The following MDGA2 variants were observed in gnomAD, a reference collection of about 807,000 sequenced individuals.
MDGA2 encodes MAM domain containing glycosylphosphatidylinositol anchor 2, also known as MAM domain-containing glycosylphosphatidylinositol anchor protein 2.
In MDGA2, 40 loss-of-function variants were observed where a neutral mutation model predicts 117.8. That is an observed-to-expected ratio of 0.34 (90% confidence interval 0.26 to 0.44). The LOEUF (loss-of-function observed/expected upper bound fraction) is 0.44. Among genes scored for constraint, MDGA2 ranks in the 20% least tolerant of loss-of-function variants. The probability of loss-of-function intolerance (pLI) is 1.00; values close to 1 mark genes in which losing one functional copy is unlikely to be tolerated. For missense variants in MDGA2, 1,123 were observed against 1,250.6 expected, an observed-to-expected ratio of 0.90 and a Z score of 1.54; for synonymous variants, 452 against 439.0, an observed-to-expected ratio of 1.03 and a Z score of -0.37.
At chr14:47,652,382 G>A (rs144488552) in intron 1 of MDGA2, among the ~76,000 whole-genome samples, 210 of 152,004 alleles carry the variant, frequency 1.4e-3, no homozygotes, top group Non-Finnish European at 2.4e-3. Flanking sequence ...CAGAGAAATC[G>A]GAACTTTTAC....
At chr14:47,296,103 A>G (rs1448368952) in intron 2 of MDGA2, among the ~76,000 whole-genome samples, 1 of 152,158 alleles carries the variant, frequency 6.6e-6, no homozygotes, top group Non-Finnish European at 1.5e-5. Context: ...AATATTGACC[A>G]TCTTGTTTGT....
chr14:47,301,724 C>T (rs1015832075), intron 1 of MDGA2, among the ~76,000 whole-genome samples, 174 bp from the exon 2 acceptor site: 4 of 152,186 alleles, frequency 2.6e-5, no homozygotes, highest in Non-Finnish European at 5.9e-5. Context: ...TGGAAGAAAT[C>T]TTCAAATTTA....
chr14:47,381,322 A>G (rs1472552491), intron 1 of MDGA2, among the ~76,000 whole-genome samples: 2 of 152,088 alleles, frequency 1.3e-5, no homozygotes, highest in Non-Finnish European at 1.5e-5. Context: ...GCCCTCTCTC[A>G]CCACTCCTAT....
chr14:47,077,774 A>G (rs1890549633), intron 6 of MDGA2, among the ~76,000 whole-genome samples: 1 of 152,094 alleles, frequency 6.6e-6, no homozygotes, highest in Admixed American at 6.5e-5. Context: ...CACAGTAAAC[A>G]TTACGGCAAC....
At chr14:47,449,908 C>A (rs574590090) in intron 1 of MDGA2, among the ~76,000 whole-genome samples, 2 of 152,160 alleles carry the variant, frequency 1.3e-5, no homozygotes, top group Admixed American at 6.5e-5. Flanking sequence ...TAAACAGACT[C>A]CATAAATTCA....
At chr14:47,439,144 G>A (rs1309845251) in intron 1 of MDGA2, among the ~76,000 whole-genome samples, 1 of 152,092 alleles carries the variant, frequency 6.6e-6, no homozygotes, top group Non-Finnish European at 1.5e-5. Context: ...AGGCAAGGAA[G>A]AGAAGTTATT....
intron 1 of MDGA2, among the ~76,000 whole-genome samples, chr14:47,613,880 T>C (rs1318494074): frequency 6.6e-6 from 1 of 152,130 alleles, no homozygotes; most frequent in Non-Finnish European, 1.5e-5. Context: ...TATGAACACA[T>C]TTAAAACATC....
At chr14:47,377,574 A>C (rs535924204) in intron 1 of MDGA2, among the ~76,000 whole-genome samples, 1 of 152,140 alleles carries the variant, frequency 6.6e-6, no homozygotes, top group Admixed American at 6.5e-5. Flanking sequence ...TATCCCATGC[A>C]TGGCTTTGAG....
chr14:47,438,251 C>T (rs1034491329), intron 1 of MDGA2, among the ~76,000 whole-genome samples: 1 of 152,130 alleles, frequency 6.6e-6, no homozygotes, highest in Admixed American at 6.6e-5. Flanking sequence ...AAGATTTTAG[C>T]TCATCTTCAA....
chr14:47,557,385 T>G (rs1331004578), intron 1 of MDGA2, among the ~76,000 whole-genome samples: 1 of 152,080 alleles, frequency 6.6e-6, no homozygotes, highest in Non-Finnish European at 1.5e-5. Flanking sequence ...CTGGGAAAAT[T>G]TAAGGGTGTA....
At chr14:47,419,148 C>A (rs1322380433) in intron 1 of MDGA2, among the ~76,000 whole-genome samples, 1 of 152,006 alleles carries the variant, frequency 6.6e-6, no homozygotes, top group Non-Finnish European at 1.5e-5. Context: ...GTTGATACTT[C>A]CATGGTATAA....
chr14:47,245,598 A>G (rs1370004539), intron 2 of MDGA2, among the ~76,000 whole-genome samples: 3 of 151,776 alleles, frequency 2.0e-5, no homozygotes, highest in Non-Finnish European at 4.4e-5. Context: ...GAAATAAGAG[A>G]AAAATTTTTC....
chr14:47,505,938 T>C (rs1331792524), intron 1 of MDGA2, among the ~76,000 whole-genome samples: 2 of 152,152 alleles, frequency 1.3e-5, no homozygotes. Context: ...CAAAGCACAT[T>C]CTTCACAGTG....
rs370864930 is a variant in MDGA2, at chr14:47,653,569, C to T, written c.280+20948G>A. Among the ~76,000 whole-genome samples, 4 of 152,076 alleles carry T rather than the reference C, an allele frequency of 2.6e-5. No individual in the cohort carries two copies. The South Asian group carries it at 6.2e-4, about 24-fold the overall frequency. ...AATAAACCAGTAACAAACCAAACCT[C>T]GCCAAAAGAAGTTCACATCCTAATT... is the stretch of plus-strand genomic sequence containing the variant. On this transcript the variant is annotated intron_variant, in intron 1 of 16. Transcript: ENST00000399232.
chr14:47,298,606 C>T (rs1192545388), intron 2 of MDGA2, among the ~76,000 whole-genome samples: 1 of 151,778 alleles, frequency 6.6e-6, no homozygotes, highest in Non-Finnish European at 1.5e-5. Context: ...AGACTTTGGC[C>T]GGGATGCCAG....
intron 9 of MDGA2, among the ~76,000 whole-genome samples, chr14:46,941,841 T>C (rs970572951): frequency 1.5e-4 from 23 of 152,186 alleles, no homozygotes; most frequent in African/African-American, 5.5e-4. Flanking sequence ...TTTCTTATTA[T>C]TTACAAATTA....
At chr14:47,464,614 C>T (rs1364811141) in intron 1 of MDGA2, among the ~76,000 whole-genome samples, 1 of 151,996 alleles carries the variant, frequency 6.6e-6, no homozygotes, top group Non-Finnish European at 1.5e-5. Flanking sequence ...CTCAAGAACA[C>T]AGCTAACCAG....
intron 6 of MDGA2, among the ~76,000 whole-genome samples, chr14:47,082,779 CA>C (rs1339633474): frequency 6.6e-6 from 1 of 151,636 alleles, no homozygotes; most frequent in African/African-American, 2.4e-5. Context: ...CAGATAAAAA[CA>C]GTAAAATAGC....
intron 2 of MDGA2, among the ~76,000 whole-genome samples, chr14:47,268,973 G>A (rs1041522063): frequency 1.4e-4 from 22 of 152,118 alleles, no homozygotes; most frequent in African/African-American, 4.8e-4. Flanking sequence ...TTTTCACAGA[G>A]TACTGTGAAG....
Sources: allele counts gnomAD v4.1 joint callset (sites outside exome capture counted in the v4.1 genomes callset), GRCh38; gene constraint gnomAD v4.1.1; transcripts MANE v1.5; gene names NCBI Gene and HGNC (gene_info 2026-07-23, HGNC 2026-07-21).